The following CLUAP1 variants were observed in gnomAD, a reference collection of about 807,000 sequenced individuals.
CLUAP1 encodes clusterin-associated protein 1.
A neutral mutation model predicts 55.0 loss-of-function variants in CLUAP1; 50 were observed. The ratio of observed to expected loss-of-function variants is 0.91; its 90% CI spans 0.72 to 1.15. CLUAP1 has a LOEUF of 1.15. CLUAP1 is among the 50% of genes most tolerant of loss of function. The probability of loss-of-function intolerance (pLI) is 0.00; values close to 1 mark genes in which losing one functional copy is unlikely to be tolerated. For synonymous variants in CLUAP1, 195 were observed against 175.4 expected (o/e 1.11, Z -0.88); for missense variants, 530 against 507.6 (o/e 1.04, Z -0.42).
At chr16:3,505,304 G>GAA (rs2037481775) in intron 2 of CLUAP1, among the ~76,000 whole-genome samples, 1 of 152,164 alleles carries the variant, frequency 6.6e-6, no homozygotes, top group East Asian at 1.9e-4. Context: ...GCCGAGGCGG[G>GAA]TGGATCACGA....
At chr16:3,501,333 A>G (rs550716327) in intron 1 of CLUAP1, among the ~76,000 whole-genome samples, 2 of 152,364 alleles carry the variant, frequency 1.3e-5, no homozygotes, top group South Asian at 4.1e-4. Context: ...GTGGCTCAGA[A>G]CGCTTGAAAT....
chr16:3,520,255 C>T (rs2037808619), intron 7 of CLUAP1, among the ~76,000 whole-genome samples: 1 of 151,802 alleles, frequency 6.6e-6, no homozygotes, highest in South Asian at 2.1e-4. Context: ...ACCTGTAGTC[C>T]CAGCTACTTG....
At chr16:3,526,625 ACACTT>A (rs1331111424) in intron 9 of CLUAP1, 141 bp downstream of exon 9, 1 of 316,022 alleles carries the variant, frequency 3.2e-6, no homozygotes, top group South Asian at 1.3e-4. Context: ...TGTAGTAAGA[ACACTT>A]CACTTTACAT....
intron 1 of CLUAP1, among the ~76,000 whole-genome samples, 156 bp downstream of exon 1, chr16:3,501,245 A>G (rs114123360): frequency 4.6e-5 from 7 of 152,198 alleles, no homozygotes; most frequent in Non-Finnish European, 1.0e-4. Flanking sequence ...CGCGGCTGCA[A>G]CCCGGCCGAG....
chr16:3,509,115 C>T (rs1395409624), intron 4 of CLUAP1, among the ~76,000 whole-genome samples: 2 of 151,944 alleles, frequency 1.3e-5, no homozygotes, highest in Non-Finnish European at 2.9e-5. Context: ...AAAAAATTAG[C>T]TAGGCGTGGT....
intron 7 of CLUAP1, among the ~76,000 whole-genome samples, chr16:3,522,744 G>A (rs1024543555): frequency 3.3e-5 from 5 of 151,844 alleles, no homozygotes; most frequent in African/African-American, 4.8e-5. Context: ...TTGAGATTAC[G>A]GTATATTGAA....
chr16:3,520,162 C>A, intron 7 of CLUAP1, 126 bp downstream of exon 7: 1 of 994,264 alleles, frequency 1.0e-6, no homozygotes, highest in South Asian at 1.9e-5. Context: ...CTCTTGAGCC[C>A]AGGAGTTTGA....
intron 9 of CLUAP1, among the ~76,000 whole-genome samples, chr16:3,527,694 G>T (rs553233054): frequency 3.9e-5 from 6 of 152,126 alleles, no homozygotes; most frequent in Non-Finnish European, 8.8e-5. Context: ...CTGCCTTCAT[G>T]TTCTGTCCTG....
chr16:3,533,181 G>A (rs2038163351), intron 11 of CLUAP1: 1 of 1,530,632 alleles, frequency 6.5e-7, no homozygotes, highest in Non-Finnish European at 8.8e-7. Context: ...TGCCTCATGT[G>A]TTTGTGGGTG....
chr16:3,533,042 G>A, intron 11 of CLUAP1: 1 of 1,476,708 alleles, frequency 6.8e-7, no homozygotes, highest in Non-Finnish European at 9.2e-7. Flanking sequence ...TCAAGTGAAT[G>A]TGCTTGCTCT....
chr16:3,518,568 A>G (rs1423794881), intron 6 of CLUAP1, among the ~76,000 whole-genome samples: 3 of 152,210 alleles, frequency 2.0e-5, no homozygotes, highest in East Asian at 3.8e-4. Context: ...TAAATTTACT[A>G]GGTTTTAATC....
At chr16:3,513,215 C>G (rs1424269759) in intron 5 of CLUAP1, among the ~76,000 whole-genome samples, 1 of 152,168 alleles carries the variant, frequency 6.6e-6, no homozygotes, top group African/African-American at 2.4e-5. Flanking sequence ...CTCTGGGGTC[C>G]TTGTTATGGA....
rs2037457893 is a variant in CLUAP1, at chr16:3,504,036, A to G, written c.23-684A>G. Reference sequence around the variant, plus strand: ...CAAATGTTTGTGGTGTTCATTTCCAAGTCCTGCTCTCTTGAAAGCACTAAG... The same window carrying G: ...CAAATGTTTGTGGTGTTCATTTCCAGGTCCTGCTCTCTTGAAAGCACTAAG... On this transcript the variant is annotated intron_variant, in intron 1 of 11. Transcript: ENST00000576634. 2.0e-5 allele frequency among the ~76,000 whole-genome samples: 3 copies of G among 152,198 alleles called. 1 individual carries two copies. The South Asian group carries it at 6.2e-4, about 32-fold the overall frequency.
chr16:3,503,074 C>G (rs1324811472), intron 1 of CLUAP1, among the ~76,000 whole-genome samples: 1 of 151,892 alleles, frequency 6.6e-6, no homozygotes, highest in Non-Finnish European at 1.5e-5. Context: ...CTCTGCCTCC[C>G]AGCAATTCTC....
chr16:3,538,851 G>C lies in CLUAP1; in HGVS notation c.*2580G>C, dbSNP rs1333020214. The C allele has an allele frequency of 1.3e-5, 2 of 152,182 alleles. No individual in the cohort carries two copies. Among genetic ancestry groups the C allele is most frequent in the Non-Finnish European group, 2.9e-5 (2 of 68,036 alleles). The allele number at this position is 152,182 out of a possible 1,614,324, so 9.4% of individuals were successfully genotyped here. A position where few individuals can be genotyped will look rare whatever the true frequency, so the allele number is the denominator to read the frequency against. ...CAGGATTCACATGTGCAAGTGCTTT[G>C]TGACCTGGCACCATTTGGTTTTGGC... On this transcript the variant is annotated 3_prime_UTR_variant, in exon 12 of 12. Coordinates refer to ENST00000576634, the MANE Select transcript of CLUAP1 (RefSeq NM_015041.3).
rs2151076101 is a variant in CLUAP1, at chr16:3,538,358, A to T, written c.*2087A>T. 3 of 151,664 alleles carry T rather than the reference A, an allele frequency of 2.0e-5. No homozygotes were observed. The Middle Eastern group carries it at 0.01, about 527-fold the overall frequency. 9.4% of individuals were successfully genotyped at this position (151,664 alleles called of 1,614,324 possible). A position where few individuals can be genotyped will look rare whatever the true frequency, so the allele number is the denominator to read the frequency against. ...GCCAGTATTCAGTGAATTCACCAGT[A>T]ATTTGAAATGCACCATATTGTAAAT... On this transcript the variant is annotated 3_prime_UTR_variant, in exon 12 of 12. Coordinates refer to ENST00000576634, the MANE Select transcript of CLUAP1 (RefSeq NM_015041.3).
At chr16:3,509,492 C>A (rs1010630399) in intron 4 of CLUAP1, among the ~76,000 whole-genome samples, 1 of 152,192 alleles carries the variant, frequency 6.6e-6, no homozygotes, top group Non-Finnish European at 1.5e-5. Flanking sequence ...AAGCAGCGAG[C>A]CTGTTTGGAG....
chr16:3,508,942 CG>C, intron 4 of CLUAP1, among the ~76,000 whole-genome samples: 1 of 147,880 alleles, frequency 6.8e-6, no homozygotes, highest in African/African-American at 2.6e-5. Flanking sequence ...TGGCGGGTGG[CG>C]TCAGGGTGTC....
chr16:3,504,593 G>A, intron 1 of CLUAP1, 127 bp from the exon 2 acceptor site: 1 of 615,060 alleles, frequency 1.6e-6, no homozygotes, highest in South Asian at 2.1e-5. Flanking sequence ...CTTGTAGAAA[G>A]TTGACAAATA....
Sources: allele counts gnomAD v4.1 joint callset (sites outside exome capture counted in the v4.1 genomes callset), GRCh38; gene constraint gnomAD v4.1.1; transcripts MANE v1.5; gene names NCBI Gene and HGNC (gene_info 2026-07-23, HGNC 2026-07-21).